DGKK: variants seen among roughly 807,000 people sequenced by gnomAD.
The protein encoded by DGKK is diacylglycerol kinase kappa, also known as 142 kDa diacylglycerol kinase.
Under a neutral mutation model 92.2 loss-of-function variants are expected in DGKK, and 35 were observed. That is an observed-to-expected ratio of 0.38 (90% confidence interval 0.29 to 0.50). The LOEUF (loss-of-function observed/expected upper bound fraction) is 0.50. Among genes scored for constraint, DGKK ranks in the 20% least tolerant of loss-of-function variants. DGKK has a pLI of 0.92. For synonymous variants in DGKK, 368 were observed against 360.6 expected (o/e 1.02, Z -0.23); for missense variants, 910 against 992.2 (o/e 0.92, Z 1.11).
chrX:50,457,610 G>A (rs782323788), intron 1 of DGKK, among the ~76,000 whole-genome samples: 10 of 111,351 alleles, frequency 9.0e-5, no homozygotes, highest in African/African-American at 2.9e-4. Flanking sequence ...AATAAACAAC[G>A]GATTAAAGTT....
At chrX:50,434,299 C>T (rs782076132) in intron 1 of DGKK, among the ~76,000 whole-genome samples, 1 of 112,208 alleles carries the variant, frequency 8.9e-6, no homozygotes, top group African/African-American at 3.2e-5. Context: ...TTTGCCCTTG[C>T]TTTACATGCA....
intron 1 of DGKK, among the ~76,000 whole-genome samples, chrX:50,434,185 G>T (rs1288782608): frequency 1.8e-5 from 2 of 110,258 alleles, no homozygotes; most frequent in Admixed American, 9.6e-5. Flanking sequence ...TCTGGCGATG[G>T]CCCTCATTAG....
Position 50,384,251 on chromosome X carries a change from G to A in DGKK, c.2466C>T (p.Gly822=). 8.6e-7 allele frequency: 1 copy of A among 1,166,988 alleles called. No individual in the cohort carries two copies. Among genetic ancestry groups the A allele is most frequent in the Non-Finnish European group, 1.2e-6 (1 of 869,049 alleles). The part of the protein sequence containing the change: ...QTSPRRRSRR[G]TLSSISSLKS... Reference sequence around the variant, plus strand: ...TGAGAGAAGATATAGAAGACAAAGTGCCACGACGAGAACCTAGACACAAAA... The same window carrying A: ...TGAGAGAAGATATAGAAGACAAAGTACCACGACGAGAACCTAGACACAAAA... The change falls in exon 17 of 28, where the codon GGC becomes GGT. Residue 822 remains glycine (G), a synonymous_variant. Transcript: ENST00000611977.
At chrX:50,469,667 G>C (rs1307017697) in intron 1 of DGKK, among the ~76,000 whole-genome samples, 3 of 112,897 alleles carry the variant, frequency 2.7e-5, no homozygotes, top group Non-Finnish European at 3.8e-5. Context: ...CTATGTATTC[G>C]GGGCCAGCCC....
chrX:50,470,776 C>T lies in DGKK; in HGVS notation c.-98G>A. 5.1e-6 allele frequency: 5 copies of T among 979,193 alleles called. No individual in the cohort carries two copies. Among genetic ancestry groups the T allele is most frequent in the South Asian group, 2.5e-5 (1 of 39,335 alleles). 80.7% of individuals were successfully genotyped at this position (979,193 alleles called of 1,213,427 possible). On this transcript the variant is annotated 5_prime_UTR_variant, in exon 1 of 28. Coordinates refer to ENST00000611977, the MANE Select transcript of DGKK (RefSeq NM_001013742.4). ...CGCCCACTCCAGTCCGGCAGCCCCT[C>T]GCAGGGTGCCAAACTTTCCCCCATC...
At chrX:50,450,633 C>A (rs1926474199) in intron 1 of DGKK, among the ~76,000 whole-genome samples, 1 of 112,178 alleles carries the variant, frequency 8.9e-6, no homozygotes, top group African/African-American at 3.2e-5. Flanking sequence ...ACATGACTAT[C>A]CCTGGCATTC....
chrX:50,456,121 T>C (rs1926605828), intron 1 of DGKK, among the ~76,000 whole-genome samples: 1 of 111,864 alleles, frequency 8.9e-6, no homozygotes, highest in Non-Finnish European at 1.9e-5. Flanking sequence ...TCCTTCTGAT[T>C]GGAAACAAGG....
At chrX:50,456,620 T>G (rs1274352134) in intron 1 of DGKK, among the ~76,000 whole-genome samples, 1 of 112,110 alleles carries the variant, frequency 8.9e-6, no homozygotes, top group African/African-American at 3.2e-5. Flanking sequence ...AGTATTTTAA[T>G]AAATGTGCAT....
chrX:50,387,663 T>C lies in DGKK; in HGVS notation c.2019-10A>G. ...AGCTGAACACAAGAATCTGGAAAGA[T>C]AAAATAGATGGCACAATGTTACATG... On this transcript the variant is annotated splice_polypyrimidine_tract_variant and intron_variant, in intron 13 of 27. Transcript: ENST00000611977. 3.5e-6 allele frequency: 4 copies of C among 1,147,543 alleles called. No homozygotes were observed. Among genetic ancestry groups the C allele is most frequent in the Non-Finnish European group, 4.8e-6 (4 of 839,367 alleles). The allele number at this position is 1,147,543 out of a possible 1,213,427, so 94.6% of individuals were successfully genotyped here. A position where few individuals can be genotyped will look rare whatever the true frequency, so the allele number is the denominator to read the frequency against.
At chrX:50,467,581 G>T (rs1193743765) in intron 1 of DGKK, among the ~76,000 whole-genome samples, 1 of 112,925 alleles carries the variant, frequency 8.9e-6, no homozygotes, top group Non-Finnish European at 1.9e-5. Flanking sequence ...TGTGTGTTAG[G>T]GGTGTGTGCA....
At chrX:50,467,673 G>A (rs1179194338) in intron 1 of DGKK, among the ~76,000 whole-genome samples, 1 of 112,840 alleles carries the variant, frequency 8.9e-6, no homozygotes, top group Non-Finnish European at 1.9e-5. Flanking sequence ...CCCCAGCTAA[G>A]ATGACAACCT....
intron 1 of DGKK, among the ~76,000 whole-genome samples, chrX:50,459,861 A>G (rs1177126526): frequency 5.4e-5 from 6 of 111,570 alleles, no homozygotes; most frequent in Admixed American, 9.5e-5. Flanking sequence ...CCAACTTGCT[A>G]ATTTTCTGAA....
intron 2 of DGKK, 100 bp from the exon 3 acceptor site, chrX:50,422,626 A>G: frequency 2.2e-6 from 1 of 458,222 alleles, no homozygotes; most frequent in Non-Finnish European, 3.4e-6. Context: ...ACACACACAC[A>G]CACACACACT....
chrX:50,455,338 C>T (rs1926583842), intron 1 of DGKK, among the ~76,000 whole-genome samples: 1 of 111,983 alleles, frequency 8.9e-6, no homozygotes, highest in African/African-American at 3.2e-5. Context: ...CTATCTATGT[C>T]TCTATTTATC....
At chrX:50,451,358 T>C (rs1926490286) in intron 1 of DGKK, among the ~76,000 whole-genome samples, 2 of 111,230 alleles carry the variant, frequency 1.8e-5, no homozygotes, top group Admixed American at 1.9e-4. Context: ...ACATTGATCA[T>C]GAAAGGTCAC....
intron 1 of DGKK, among the ~76,000 whole-genome samples, chrX:50,427,752 A>G (rs1186816661): frequency 3.6e-5 from 4 of 109,726 alleles, no homozygotes; most frequent in African/African-American, 1.3e-4. Flanking sequence ...ATGGTCTATT[A>G]ATTTTTTTTA....
At chrX:50,379,840 A>G in intron 19 of DGKK, 106 bp from the exon 20 acceptor site, 1 of 912,609 alleles carries the variant, frequency 1.1e-6, no homozygotes, top group South Asian at 2.1e-5. Context: ...ATTACATGGA[A>G]ATCTATCTTC....
At position 50,446,604 on chromosome X, in the gene DGKK, T is replaced by A. The variant is rs147856977; in HGVS notation, c.646-22246A>T. Among the ~76,000 whole-genome samples the A allele has an allele frequency of 9.9e-3, 1,110 of 111,623 alleles. 7 individuals carry two copies. The highest frequency in any genetic ancestry group is 0.037 in the Middle Eastern group (8 of 216). ...TTTAAATGTTGAGTTTTTAGAGTTATTTATAGAGTCCAGATACAAGTCCTT... is the reference window on the plus strand; with the variant it reads ...TTTAAATGTTGAGTTTTTAGAGTTAATTATAGAGTCCAGATACAAGTCCTT... On this transcript the variant is annotated intron_variant, in intron 1 of 27. Transcript: ENST00000611977.
chrX:50,451,023 T>C (rs181519061), intron 1 of DGKK, among the ~76,000 whole-genome samples: 1 of 111,700 alleles, frequency 9.0e-6, no homozygotes, highest in East Asian at 2.8e-4. Context: ...TACAAGGCCA[T>C]CCTAGGAAAA....
Sources: gnomAD v4.1 joint callset for allele counts (sites outside exome capture counted in the v4.1 genomes callset) on GRCh38, gnomAD v4.1.1 for gene constraint, MANE v1.5 for transcripts, NCBI Gene and HGNC (gene_info 2026-07-23, HGNC 2026-07-21) for gene names.